SMPD4: variants seen among roughly 807,000 people sequenced by gnomAD.
SMPD4 encodes sphingomyelin phosphodiesterase 4.
Under a neutral mutation model 97.8 loss-of-function variants are expected in SMPD4, and 58 were observed. The ratio of observed to expected loss-of-function variants is 0.59; its 90% CI spans 0.48 to 0.74. The LOEUF (loss-of-function observed/expected upper bound fraction) is 0.74, where lower values mean the gene tolerates loss of function less well. Ranked by LOEUF, SMPD4 falls within the 30% of genes least tolerant of loss-of-function variation. The probability of loss-of-function intolerance (pLI) is 0.00; values close to 1 mark genes in which losing one functional copy is unlikely to be tolerated. For missense variants in SMPD4, 853 were observed against 1,080.5 expected (o/e 0.79, Z 2.95); for synonymous variants, 388 against 450.0 (o/e 0.86, Z 1.74).
intron 8 of SMPD4, among the ~76,000 whole-genome samples, chr2:130,171,597 T>TCCTCCTTGCCACTC (rs1221808225): frequency 6.6e-6 from 1 of 152,136 alleles, no homozygotes; most frequent in African/African-American, 2.4e-5. Context: ...GGGCAGCGTC[T>TCCTCCTTGCCACTC]CCTCCTTGCC....
In SMPD4 at chr2:130,172,797, GTTCA is replaced by G; in HGVS notation, c.440_443del (p.Leu147ProfsTer4). ...GCCACCAAAGGATACTCAGGGCCAAGTTCAGACCAAGGCCCCCAGTAGGGGTGAA... is the reference window on the plus strand; with the variant it reads ...GCCACCAAAGGATACTCAGGGCCAAGGACCAAGGCCCCCAGTAGGGGTGAA... On this transcript the variant is annotated frameshift_variant, in exon 6 of 20. Coordinates refer to ENST00000680298, the MANE Select transcript of SMPD4 (RefSeq NM_017951.5). LOFTEE classifies it high-confidence loss of function. 1 of 1,614,234 alleles carries G rather than the reference GTTCA, an allele frequency of 6.2e-7. No individual in the cohort carries two copies. The highest frequency in any genetic ancestry group is 8.5e-7 in the Non-Finnish European group (1 of 1,180,048).
rs1320178620 is a variant in SMPD4, at chr2:130,157,355, G to A, written c.993C>T (p.Arg331=). Residue 331 remains arginine, a synonymous_variant, in exon 12 of 20, where the codon CGC becomes CGT. Transcript: ENST00000680298. ...TPTEEHVLVV[R]LLLKHLHAFA... ...AGGCGTGCAGGTGCTTCAGCAGCAGGCGCACCACCAACACATGCTCCTCAG... is the reference window on the plus strand; with the variant it reads ...AGGCGTGCAGGTGCTTCAGCAGCAGACGCACCACCAACACATGCTCCTCAG... 2 of 1,604,148 alleles carry A rather than the reference G, an allele frequency of 1.2e-6. No individual in the cohort carries two copies. Among genetic ancestry groups the A allele is most frequent in the Non-Finnish European group, 8.5e-7 (1 of 1,176,416 alleles).
chr2:130,176,680 C>T, intron 1 of SMPD4, 43 bp from the exon 2 acceptor site: 2 of 1,477,210 alleles, frequency 1.4e-6, no homozygotes, highest in Non-Finnish European at 1.9e-6. Flanking sequence ...TGTAACACAG[C>T]AGAATCTTTT....
rs758211544 is a variant in SMPD4 at position 130,157,448 on chromosome 2, C to T, written c.952-52G>A. 3 of 1,607,198 alleles carry T rather than the reference C, an allele frequency of 1.9e-6. No individual in the cohort carries two copies. The Admixed American group carries it at 5.1e-5, about 27-fold the overall frequency. On this transcript the variant is annotated intron_variant, in intron 11 of 19. Transcript: ENST00000680298. ...CTGGGAAGGAGCGTGGCACCCATAG[C>T]ACTCCGCCTCCAGGTCTGACCACAT...
intron 10 of SMPD4, among the ~76,000 whole-genome samples, 195 bp from the exon 11 acceptor site, chr2:130,161,467 GT>G (rs1687409999): frequency 6.6e-6 from 1 of 152,160 alleles, no homozygotes; most frequent in African/African-American, 2.4e-5. Flanking sequence ...AACAATTGCA[GT>G]CCCAGCAGCC....
chr2:130,169,292 A>G (rs1688214421), intron 8 of SMPD4, among the ~76,000 whole-genome samples: 1 of 152,202 alleles, frequency 6.6e-6, no homozygotes, highest in Non-Finnish European at 1.5e-5. Context: ...CACTATATAC[A>G]GTGGGTGAGC....
intron 10 of SMPD4, among the ~76,000 whole-genome samples, chr2:130,163,827 G>A (rs1687661673): frequency 6.6e-6 from 1 of 152,242 alleles, no homozygotes; most frequent in Non-Finnish European, 1.5e-5. Context: ...AGAGAGAGCA[G>A]GGACAGGCGA....
chr2:130,157,770 C>G (rs2104820628), intron 11 of SMPD4: 1 of 281,154 alleles, frequency 3.6e-6, no homozygotes, highest in Admixed American at 4.8e-5. Flanking sequence ...TGTCTTGATC[C>G]CCAGGGCAGG....
chr2:130,156,781 G>A, intron 12 of SMPD4, 106 bp from the exon 13 acceptor site: 1 of 1,551,432 alleles, frequency 6.4e-7, no homozygotes, highest in Non-Finnish European at 8.7e-7. Context: ...CCGGGGGAGA[G>A]CACTGGGCAC....
intron 8 of SMPD4, among the ~76,000 whole-genome samples, chr2:130,171,983 C>A (rs1688516158): frequency 6.6e-6 from 1 of 152,230 alleles, no homozygotes; most frequent in Non-Finnish European, 1.5e-5. Flanking sequence ...AGATCTGCTC[C>A]TGGGGCCCAT....
At chr2:130,167,378 C>G in intron 9 of SMPD4, 80 bp downstream of exon 9, 1 of 1,596,302 alleles carries the variant, frequency 6.3e-7, no homozygotes, top group Non-Finnish European at 8.5e-7. Context: ...ACCTAGGCCT[C>G]GCAAAGTGCT....
intron 1 of SMPD4, among the ~76,000 whole-genome samples, chr2:130,179,759 AT>A (rs1689327554): frequency 7.0e-6 from 1 of 143,854 alleles, no homozygotes; most frequent in Non-Finnish European, 1.5e-5. Flanking sequence ...GGTTCAAGCA[AT>A]TCTCCTGCCT....
At chr2:130,161,377 G>A (rs1687395707) in intron 10 of SMPD4, 105 bp from the exon 11 acceptor site, 1 of 834,000 alleles carries the variant, frequency 1.2e-6, no homozygotes, top group South Asian at 1.4e-5. Flanking sequence ...GGGGGAAGCG[G>A]AGAGAGAAAG....
Position 130,153,817 on chromosome 2 carries a change from A to G in SMPD4, c.1778T>C (p.Met593Thr). The change falls in exon 17 of 20, where the codon ATG (methionine) becomes ACG (threonine). Residue 593 changes from methionine (M) to threonine (T), a missense_variant. Physicochemically the swap from Met to Thr is moderately conservative, Grantham distance 81. Around this residue, in one of 3 missense-constraint regions of SMPD4, gnomAD observed 511 missense variants for 608.1 expected, o/e 0.84. Coordinates refer to ENST00000680298, the MANE Select transcript of SMPD4 (RefSeq NM_017951.5). ...SFLSWLGFSSMDTNGSYTAND... is the reference protein window; with the variant it reads ...SFLSWLGFSSTDTNGSYTAND... ...GGCTGTGTAGGAGCCATTGGTGTCCATGGAGCTAAAGCCCAGCCATGAGAG... is the reference window on the plus strand; with the variant it reads ...GGCTGTGTAGGAGCCATTGGTGTCCGTGGAGCTAAAGCCCAGCCATGAGAG... 12 of 1,614,004 alleles carry G rather than the reference A, an allele frequency of 7.4e-6. No individual in the cohort carries two copies. The highest frequency in any genetic ancestry group is 2.2e-5 in the South Asian group (2 of 91,080).
At chr2:130,156,390 G>A in intron 13 of SMPD4, 195 bp downstream of exon 13, 6 of 674,706 alleles carry the variant, frequency 8.9e-6, no homozygotes, top group South Asian at 3.9e-5. Context: ...CACCAGACAG[G>A]TGGGACAGGG....
intron 2 of SMPD4, among the ~76,000 whole-genome samples, chr2:130,175,704 G>A (rs1359834549): frequency 6.6e-6 from 1 of 152,206 alleles, no homozygotes; most frequent in African/African-American, 2.4e-5. Flanking sequence ...GGGCATCTGT[G>A]CGAATGGATT....
Position 130,152,339 on chromosome 2 carries a change from G to C in SMPD4, c.*216C>G. 1.7e-6 allele frequency: 1 copy of C among 594,822 alleles called. No individual in the cohort carries two copies. 36.8% of individuals were successfully genotyped at this position (594,822 alleles called of 1,614,324 possible). A position where few individuals can be genotyped will look rare whatever the true frequency, so the allele number is the denominator to read the frequency against. On this transcript the variant is annotated 3_prime_UTR_variant, in exon 20 of 20. Transcript: ENST00000680298. ...GAGCTCTGCGCTGTCACAGAGCGTA[G>C]CTGTTGAGCCCTGGCAGCTACTCCT...
At chr2:130,161,391 G>A in intron 10 of SMPD4, 119 bp from the exon 11 acceptor site, 1 of 763,226 alleles carries the variant, frequency 1.3e-6, no homozygotes, top group South Asian at 1.5e-5. Flanking sequence ...GAGAAAGAAA[G>A]CAATGAGAAC....
rs202201383 is a variant in SMPD4, at chr2:130,157,386, G to A, written c.962C>T (p.Thr321Met). The A allele has an allele frequency of 3.6e-5, 58 of 1,610,122 alleles. No individual in the cohort carries two copies. The Middle Eastern group carries it at 1.2e-3, about 34-fold the overall frequency. The change falls in exon 12 of 20, where the codon ACG becomes ATG. Residue 321 changes from threonine to methionine, a missense_variant. Thr to Met is a moderately conservative substitution (Grantham distance 81). Coordinates refer to ENST00000680298, the MANE Select transcript of SMPD4 (RefSeq NM_017951.5). ...QALHAYQESF[T>M]PTEEHVLVVR... ...CACCAACACATGCTCCTCAGTAGGC[G>A]TGAACGACTCCTGGGTGGAGAAGGA...
Sources: allele counts gnomAD v4.1 joint callset (sites outside exome capture counted in the v4.1 genomes callset), GRCh38; gene constraint gnomAD v4.1.1; regional missense constraint gnomAD v4.1.1; transcripts MANE v1.5; gene names NCBI Gene and HGNC (gene_info 2026-07-23, HGNC 2026-07-21).